STARD6: variants seen among roughly 807,000 people sequenced by gnomAD.
STARD6 encodes the protein stAR-related lipid transfer protein 6.
Under a neutral mutation model 22.3 loss-of-function variants are expected in STARD6, and 21 were observed. The ratio of observed to expected loss-of-function variants is 0.94; its 90% CI spans 0.67 to 1.35. STARD6 has a LOEUF of 1.35. Ranked by LOEUF, STARD6 falls within the 40% of genes most tolerant of loss-of-function variation. STARD6 has a pLI of 0.00. For synonymous variants in STARD6, 80 were observed against 88.1 expected (o/e 0.91, Z 0.52); for missense variants, 269 against 266.9 (o/e 1.01, Z -0.05).
At chr18:54,324,908 G>A (rs2088811132) in intron 7 of STARD6, 33 bp from the exon 8 acceptor site, 1 of 1,462,184 alleles carries the variant, frequency 6.8e-7, no homozygotes, top group Non-Finnish European at 9.0e-7. Context: ...AAAAAGATAA[G>A]AAATTTTTAG....
chr18:54,339,044 CAAAAAAAAAAAAAAAAAAAA>C (rs760501311), intron 4 of STARD6, among the ~76,000 whole-genome samples: 2 of 10,406 alleles, frequency 1.9e-4, no homozygotes, highest in Non-Finnish European at 4.7e-4. Context: ...GAGACTCCAT[CAAAAAAAAAAAAAAAAAAAA>C]AAAAAAAAAA....
At position 54,326,754 on chromosome 18, in the gene STARD6, T is replaced by C. The variant is rs2088828709; in HGVS notation, c.480-1879A>G. ...ATATTTTTATATAATTCTCAAATTT[T>C]ATTTTTATTTATTATTAAATCAAAA... On this transcript the variant is annotated intron_variant, in intron 7 of 7. Transcript: ENST00000307844. Among the ~76,000 whole-genome samples the C allele has an allele frequency of 4.6e-5, 7 of 151,740 alleles. No individual in the cohort carries two copies. The South Asian group carries it at 1.4e-3, about 31-fold the overall frequency.
chr18:54,327,649 G>A lies in STARD6; in HGVS notation c.479+1698C>T, dbSNP rs76051571. 0.01 allele frequency among the ~76,000 whole-genome samples: 1,589 copies of A among 152,062 alleles called. 70 individuals carry two copies. The East Asian group carries it at 0.16, about 16-fold the overall frequency. ...GCTGGGAATTGTACTTTTCATCAAC[G>A]TAATTTACTTTTCATCAATGTAATC... On this transcript the variant is annotated intron_variant, in intron 7 of 7. Coordinates refer to ENST00000307844, the MANE Select transcript of STARD6 (RefSeq NM_139171.2).
Position 54,324,669 on chromosome 18 carries a change from C to T in STARD6, c.*23G>A, listed in dbSNP as rs755437641. Reference sequence around the variant, plus strand: ...TACTACACATGATTTTATAGCAGAACGGCCTCATTTCTTCTTTTGGTATCA... The same window carrying T: ...TACTACACATGATTTTATAGCAGAATGGCCTCATTTCTTCTTTTGGTATCA... On this transcript the variant is annotated 3_prime_UTR_variant, in exon 8 of 8. Coordinates refer to ENST00000307844, the MANE Select transcript of STARD6 (RefSeq NM_139171.2). The T allele has an allele frequency of 5.6e-5, 90 of 1,607,118 alleles. No homozygotes were observed. Among genetic ancestry groups the T allele is most frequent in the Admixed American group, 1.5e-4 (9 of 59,164 alleles).
intron 4 of STARD6, among the ~76,000 whole-genome samples, chr18:54,349,854 G>A (rs1292025556): frequency 6.6e-6 from 1 of 152,144 alleles, no homozygotes; most frequent in Non-Finnish European, 1.5e-5. Context: ...TTATAACTGA[G>A]TAGTGTTCCA....
intron 4 of STARD6, among the ~76,000 whole-genome samples, chr18:54,350,656 T>C (rs922198753): frequency 6.6e-6 from 1 of 152,246 alleles, no homozygotes; most frequent in African/African-American, 2.4e-5. Context: ...AGTACATTTT[T>C]GTAAAAGGTA....
At chr18:54,338,271 C>T (rs1032467438) in intron 4 of STARD6, among the ~76,000 whole-genome samples, 1 of 152,112 alleles carries the variant, frequency 6.6e-6, no homozygotes, top group African/African-American at 2.4e-5. Context: ...TGACTGGTGA[C>T]AAAACTTCCA....
rs1287399628 is a variant in STARD6 at position 54,341,221 on chromosome 18, G to A, written c.141-3970C>T. ...ACTAGAGGCGCCCGCCACTGCGCCC[G>A]GCTAATTTTTTGTATTTTTAGTAGA... On this transcript the variant is annotated intron_variant, in intron 4 of 7. Coordinates refer to ENST00000307844, the MANE Select transcript of STARD6 (RefSeq NM_139171.2). 4.6e-5 allele frequency among the ~76,000 whole-genome samples: 7 copies of A among 152,194 alleles called. No individual in the cohort carries two copies. In the East Asian group the frequency reaches 7.7e-4, roughly 17 times the overall value.
intron 4 of STARD6, among the ~76,000 whole-genome samples, chr18:54,348,289 T>A (rs552302624): frequency 7.8e-4 from 118 of 152,254 alleles, no homozygotes; most frequent in African/African-American, 2.7e-3. Context: ...GGATTAAATG[T>A]AGTGGTGGTA....
In STARD6 at chr18:54,339,044, C is replaced by CA. The variant is rs760501311; in HGVS notation, c.141-1794dup. Reference sequence around the variant, plus strand: ...GCCTGGCGACAGAGTGAGACTCCATCAAAAAAAAAAAAAAAAAAAAAAAAA... The same window carrying CA: ...GCCTGGCGACAGAGTGAGACTCCATCAAAAAAAAAAAAAAAAAAAAAAAAAA... On this transcript the variant is annotated intron_variant, in intron 4 of 7. Transcript: ENST00000307844. Among the ~76,000 whole-genome samples the CA allele has an allele frequency of 1.4e-3, 15 of 10,414 alleles. 5 individuals carry two copies. Among genetic ancestry groups the CA allele is most frequent in the East Asian group, 5.4e-3 (1 of 184 alleles). The allele number at this position is 10,414 out of a possible 152,430, so 6.8% of individuals were successfully genotyped here.
At chr18:54,347,668 A>G (rs2089049881) in intron 4 of STARD6, among the ~76,000 whole-genome samples, 1 of 152,084 alleles carries the variant, frequency 6.6e-6, no homozygotes, top group African/African-American at 2.4e-5. Flanking sequence ...AAGTTTAGGA[A>G]GATATTGAAC....
At chr18:54,341,924 G>A (rs2088972934) in intron 4 of STARD6, among the ~76,000 whole-genome samples, 1 of 152,136 alleles carries the variant, frequency 6.6e-6, no homozygotes. Context: ...AAGGATTACA[G>A]TAGAAAGTAA....
chr18:54,334,237 A>T (rs1005982508), intron 5 of STARD6, among the ~76,000 whole-genome samples: 3 of 152,158 alleles, frequency 2.0e-5, no homozygotes, highest in African/African-American at 7.2e-5. Flanking sequence ...ACAAGCCACC[A>T]TAATGTCTCA....
intron 4 of STARD6, among the ~76,000 whole-genome samples, chr18:54,342,444 TC>T (rs2088979444): frequency 6.9e-6 from 1 of 145,340 alleles, no homozygotes; most frequent in Non-Finnish European, 1.5e-5. Context: ...CCTCTCCCTC[TC>T]CCTCTCCCTC....
At chr18:54,329,547 T>A in intron 6 of STARD6, 107 bp from the exon 7 acceptor site, 2 of 867,836 alleles carry the variant, frequency 2.3e-6, no homozygotes, top group Non-Finnish European at 3.4e-6. Flanking sequence ...TTAATAGCAT[T>A]AACATTAGTT....
chr18:54,350,038 T>C (rs1288342090), intron 4 of STARD6, among the ~76,000 whole-genome samples: 2 of 152,200 alleles, frequency 1.3e-5, no homozygotes, highest in African/African-American at 4.8e-5. Context: ...GTTCTACTCT[T>C]AGTTCTTTAA....
chr18:54,324,686 T>C lies in STARD6; in HGVS notation c.*6A>G, dbSNP rs2088807422. ...TAGCAGAACGGCCTCATTTCTTCTTTTGGTATCATGAATGACTATTATGAT... is the reference window on the plus strand; with the variant it reads ...TAGCAGAACGGCCTCATTTCTTCTTCTGGTATCATGAATGACTATTATGAT... On this transcript the variant is annotated 3_prime_UTR_variant, in exon 8 of 8. Transcript: ENST00000307844. 2 of 1,611,460 alleles carry C rather than the reference T, an allele frequency of 1.2e-6. No individual in the cohort carries two copies. The highest frequency in any genetic ancestry group is 1.7e-6 in the Non-Finnish European group (2 of 1,179,070).
intron 5 of STARD6, among the ~76,000 whole-genome samples, chr18:54,336,177 CTCTTTA>C (rs1568168568): frequency 6.6e-6 from 1 of 152,154 alleles, no homozygotes; most frequent in Non-Finnish European, 1.5e-5. Context: ...TTTATTCTCT[CTCTTTA>C]TATCTATTTA....
intron 4 of STARD6, among the ~76,000 whole-genome samples, chr18:54,343,405 C>T (rs2088999113): frequency 1.4e-5 from 2 of 141,912 alleles, no homozygotes; most frequent in South Asian, 2.3e-4. Flanking sequence ...GCCGTGCCAT[C>T]CGGGAGGGAG....
Sources: allele counts gnomAD v4.1 joint callset (sites outside exome capture counted in the v4.1 genomes callset), GRCh38; gene constraint gnomAD v4.1.1; transcripts MANE v1.5; gene names NCBI Gene and HGNC (gene_info 2026-07-23, HGNC 2026-07-21).